Variants in ARHGAP27 observed in about 807,000 individuals in gnomAD.
ARHGAP27 encodes rho GTPase-activating protein 27.
Under a neutral mutation model 102.0 loss-of-function variants are expected in ARHGAP27, and 53 were observed. The observed-to-expected ratio is 0.52, with a 90% CI of 0.42 to 0.65. The LOEUF (loss-of-function observed/expected upper bound fraction) is 0.65, where lower values mean the gene tolerates loss of function less well. Ranked by LOEUF, ARHGAP27 falls within the 30% of genes least tolerant of loss-of-function variation. The pLI is 0.00. For missense variants in ARHGAP27, 1,117 were observed against 1,256.2 expected, an observed-to-expected ratio of 0.89 and a Z score of 1.68; for synonymous variants, 525 against 542.8, an observed-to-expected ratio of 0.97 and a Z score of 0.46.
intron 4 of ARHGAP27, among the ~76,000 whole-genome samples, chr17:45,422,762 A>G (rs565220924): frequency 6.6e-6 from 1 of 152,242 alleles, no homozygotes; most frequent in Non-Finnish European, 1.5e-5. Context: ...ACACATCTCT[A>G]TCAGAATTAG....
chr17:45,404,185 A>T, intron 9 of ARHGAP27, 84 bp downstream of exon 9: 1 of 1,608,460 alleles, frequency 6.2e-7, no homozygotes, highest in Non-Finnish European at 8.5e-7. Flanking sequence ...CTCAGCTGCC[A>T]CTCTCTATGG....
intron 12 of ARHGAP27, among the ~76,000 whole-genome samples, 173 bp from the exon 13 acceptor site, chr17:45,398,220 G>C (rs549662376): frequency 1.3e-5 from 2 of 152,222 alleles, no homozygotes; most frequent in African/African-American, 4.8e-5. Context: ...TCTGCCTCAC[G>C]TAAAGCAGTG....
chr17:45,425,503 A>AG, intron 4 of ARHGAP27: 1 of 953,288 alleles, frequency 1.0e-6, no homozygotes. Flanking sequence ...CGGGAAAGGG[A>AG]GGGGAGAGAT....
At position 45,395,732 on chromosome 17, in the gene ARHGAP27, C is replaced by A. The variant is rs546673068; in HGVS notation, c.2492+12G>T. On this transcript the variant is annotated intron_variant, in intron 19 of 19. Coordinates refer to ENST00000685559, the MANE Select transcript of ARHGAP27 (RefSeq NM_001282290.2). ...CCTGCCTCCCCCTTCCCGCGCGGGC[C>A]GCCCGGCTCACCGGCAGAGGTGCTG... 2 of 1,583,088 alleles carry A rather than the reference C, an allele frequency of 1.3e-6. No individual in the cohort carries two copies. Among genetic ancestry groups the A allele is most frequent in the Non-Finnish European group, 1.7e-6 (2 of 1,169,028 alleles).
rs2049983305 is a variant in ARHGAP27, at chr17:45,430,601, A to G, written c.-18-304T>C. On this transcript the variant is annotated intron_variant, in intron 3 of 19. Transcript: ENST00000685559. This position sits in a 1 kb window ranked among gnomAD's most constrained non-coding sequence, Gnocchi z 4.4. The stretch of plus-strand genomic sequence containing the variant: ...TCTTGGTCCAAATCGACTGCGAGGG[A>G]AGCCTTGGCTTTAAAACGAGGGGTG... Among the ~76,000 whole-genome samples, 1 of 152,048 alleles carries G rather than the reference A, an allele frequency of 6.6e-6. No homozygotes were observed. The highest frequency in any genetic ancestry group is 1.5e-5 in the Non-Finnish European group (1 of 67,992).
intron 4 of ARHGAP27, among the ~76,000 whole-genome samples, chr17:45,426,209 C>T (rs2049579520): frequency 6.6e-6 from 1 of 152,128 alleles, no homozygotes; most frequent in South Asian, 2.1e-4. Flanking sequence ...GCCGTGTGAG[C>T]TTCGTCGTGT....
At chr17:45,410,043 G>T in intron 4 of ARHGAP27, 1 of 671,120 alleles carries the variant, frequency 1.5e-6, no homozygotes, top group Non-Finnish European at 2.4e-6. Flanking sequence ...CAAGCAGGTG[G>T]CAGCCCTGCC....
rs1483840747 is a variant in ARHGAP27 at position 45,396,493 on chromosome 17, C to T, written c.2167G>A (p.Ala723Thr). 1.9e-6 allele frequency: 3 copies of T among 1,541,886 alleles called. No homozygotes were observed. The highest frequency in any genetic ancestry group is 1.4e-5 in the African/African-American group (1 of 73,354). ...FVQQCIRAVE[A>T]RGLDIDGLYR... ...ACCCCCGCAGCGCACGTACCGCGGG[C>T]CTCGACGGCGCGGATGCACTGCTGC... Residue 723 changes from alanine (A) to threonine (T), a missense_variant, in exon 16 of 20, where the codon GCC becomes ACC. Transcript: ENST00000685559.
chr17:45,402,295 T>A (rs1289960004), intron 12 of ARHGAP27, among the ~76,000 whole-genome samples: 3 of 152,114 alleles, frequency 2.0e-5, no homozygotes, highest in Non-Finnish European at 4.4e-5. Context: ...GTCATGAGAA[T>A]TTCCTCTCCC....
At chr17:45,429,526 G>A (rs1417862168) in intron 4 of ARHGAP27, 97 bp downstream of exon 4, 4 of 1,535,398 alleles carry the variant, frequency 2.6e-6, no homozygotes, top group Non-Finnish European at 3.5e-6. Context: ...CGTCGTGCCC[G>A]ACGCTGAGCG....
At chr17:45,425,722 G>T in intron 4 of ARHGAP27, 4 of 864,994 alleles carry the variant, frequency 4.6e-6, no homozygotes, top group Non-Finnish European at 5.6e-6. Context: ...GCAGGGGCGG[G>T]CTCCAGGCCA....
chr17:45,420,181 C>G (rs9905112), intron 4 of ARHGAP27, among the ~76,000 whole-genome samples: 2,191 of 152,248 alleles, frequency 0.014, 46 homozygotes, highest in African/African-American at 0.049. Flanking sequence ...ATTCCAAATG[C>G]CTGTCAACAG....
At chr17:45,406,306 G>A (rs1009373904) in intron 4 of ARHGAP27, among the ~76,000 whole-genome samples, 4 of 152,168 alleles carry the variant, frequency 2.6e-5, no homozygotes, top group African/African-American at 9.7e-5. Context: ...TCCTTGAAAG[G>A]GGAAGTGCCT....
intron 4 of ARHGAP27, among the ~76,000 whole-genome samples, chr17:45,421,824 C>T (rs962426388): frequency 6.6e-6 from 1 of 152,180 alleles, no homozygotes; most frequent in Non-Finnish European, 1.5e-5. Context: ...GAAATGTGAA[C>T]AGATTGAATT....
At position 45,432,755 on chromosome 17, in the gene ARHGAP27, G is replaced by T. The variant is rs1267299254; in HGVS notation, c.-288C>A. 1 of 148,272 alleles carries T rather than the reference G, an allele frequency of 6.7e-6. No homozygotes were observed. The highest frequency in any genetic ancestry group is 1.5e-5 in the Non-Finnish European group (1 of 67,026). The allele number at this position is 148,272 out of a possible 1,614,324, so 9.2% of individuals were successfully genotyped here. ...CCGACCCTGCCTGCCCGGGCACCTCGGGGCGTCCGCTCGCCGGCTTCGCCT... is the reference window on the plus strand; with the variant it reads ...CCGACCCTGCCTGCCCGGGCACCTCTGGGCGTCCGCTCGCCGGCTTCGCCT... On this transcript the variant is annotated 5_prime_UTR_variant, in exon 1 of 20. Transcript: ENST00000685559.
intron 12 of ARHGAP27, chr17:45,401,559 CCTT>C (rs2046443506): frequency 6.6e-6 from 1 of 152,102 alleles, no homozygotes; most frequent in South Asian, 2.1e-4. Flanking sequence ...ATGCTCTTGG[CCTT>C]CATCATAATG....
chr17:45,404,523 A>G lies in ARHGAP27; in HGVS notation c.1335T>C (p.Pro445=). ...TATGGATGCTTCGAGGGGCAGGGAC[A>G]GGGACCTGGGGAGAAAGACACAGTC... ...SSVRWELPQV[P]VPAPRSIHKS... The change falls in exon 8 of 20, where the codon CCT becomes CCC. Residue 445 remains proline (P), a synonymous_variant. Coordinates refer to ENST00000685559, the MANE Select transcript of ARHGAP27 (RefSeq NM_001282290.2). 2 of 1,613,406 alleles carry G rather than the reference A, an allele frequency of 1.2e-6. No homozygotes were observed. The highest frequency in any genetic ancestry group is 1.7e-6 in the Non-Finnish European group (2 of 1,179,744).
chr17:45,415,780 C>A (rs2048391031), intron 4 of ARHGAP27, among the ~76,000 whole-genome samples: 1 of 152,092 alleles, frequency 6.6e-6, no homozygotes, highest in Non-Finnish European at 1.5e-5. Flanking sequence ...GCAGGCAGGG[C>A]AATGAGTCAA....
At chr17:45,413,243 T>C (rs771560151) in intron 4 of ARHGAP27, among the ~76,000 whole-genome samples, 2 of 152,038 alleles carry the variant, frequency 1.3e-5, no homozygotes, top group Non-Finnish European at 2.9e-5. Context: ...TCTCCCAAAA[T>C]GCTGGGATTA....
Sources: allele counts gnomAD v4.1 joint callset (sites outside exome capture counted in the v4.1 genomes callset), GRCh38; gene constraint gnomAD v4.1.1; non-coding constraint Gnocchi (gnomAD v3.1); transcripts MANE v1.5; gene names NCBI Gene and HGNC (gene_info 2026-07-23, HGNC 2026-07-21).